The following PARP14 variants were observed in gnomAD, a reference collection of about 807,000 sequenced individuals.
The protein encoded by PARP14 is protein mono-ADP-ribosyltransferase PARP14.
Under a neutral mutation model 154.2 loss-of-function variants are expected in PARP14, and 59 were observed. The ratio of observed to expected loss-of-function variants is 0.38; its 90% confidence interval spans 0.31 to 0.48. The LOEUF (loss-of-function observed/expected upper bound fraction) is 0.48, where lower values mean the gene tolerates loss of function less well. PARP14 is among the 20% of genes least tolerant of loss of function. The pLI is 0.98. For synonymous variants in PARP14, 720 were observed against 780.5 expected (o/e 0.92, Z 1.29); for missense variants, 1,734 against 2,131.6 (o/e 0.81, Z 3.67).
intron 1 of PARP14, among the ~76,000 whole-genome samples, chr3:122,684,321 A>T (rs1938302914): frequency 6.6e-6 from 1 of 151,968 alleles, no homozygotes; most frequent in Admixed American, 6.5e-5. Context: ...CTTGAAACTC[A>T]CTTCTTCCCG....
intron 6 of PARP14, among the ~76,000 whole-genome samples, 197 bp from the exon 7 acceptor site, chr3:122,703,545 G>C (rs1939052838): frequency 6.6e-6 from 1 of 152,008 alleles, no homozygotes; most frequent in African/African-American, 2.4e-5. Flanking sequence ...ATTACTTTTT[G>C]ACTGCTCTCT....
In PARP14 at chr3:122,704,660, A is replaced by G; in HGVS notation, c.3452A>G (p.Glu1151Gly). ...KNIFAELIIS[E>G]VFKFSSKNQL... ...ATATTCGCTGAATTAATCATTTCAG[A>G]GGTGTTCAAATTTAGTAGCAAGAAT... is the stretch of plus-strand genomic sequence containing the variant. The change falls in exon 8 of 17, where the codon GAG becomes GGG. Residue 1151 changes from glutamate (E) to glycine (G), a missense_variant. Physicochemically the swap from Glu to Gly is moderately conservative, Grantham distance 98. This residue lies in a region of PARP14 where 1,646 missense variants were observed against 1,976.0 expected (regional missense o/e 0.83). Coordinates refer to ENST00000474629, the MANE Select transcript of PARP14 (RefSeq NM_017554.3). The G allele has an allele frequency of 6.2e-7, 1 of 1,606,424 alleles. No individual in the cohort carries two copies. Among genetic ancestry groups the G allele is most frequent in the Non-Finnish European group, 8.5e-7 (1 of 1,175,474 alleles).
rs773019801 is a variant in PARP14, at chr3:122,699,592, T to C, written c.1038T>C (p.Asp346=). 1 of 1,613,902 alleles carries C rather than the reference T, an allele frequency of 6.2e-7. No homozygotes were observed. The highest frequency in any genetic ancestry group is 8.5e-7 in the Non-Finnish European group (1 of 1,179,820). Residue 346 remains aspartate (D), a synonymous_variant, in exon 6 of 17, where the codon GAT becomes GAC. Coordinates refer to ENST00000474629, the MANE Select transcript of PARP14 (RefSeq NM_017554.3). Reference sequence around the variant, plus strand: ...ATCACCTCATTGAGGAGATAAACGATGAAATGAGGCGTTGTCACTGTGAGC... The same window carrying C: ...ATCACCTCATTGAGGAGATAAACGACGAAATGAGGCGTTGTCACTGTGAGC... ...KKNHLIEEIN[D]EMRRCHCELT... is the part of the protein sequence containing the mutation.
intron 9 of PARP14, among the ~76,000 whole-genome samples, chr3:122,710,175 A>C (rs1560072745): frequency 6.6e-6 from 1 of 151,844 alleles, no homozygotes; most frequent in Non-Finnish European, 1.5e-5. Flanking sequence ...TATCTTTTAG[A>C]ATTTTTATGG....
At chr3:122,722,215 TG>T (rs994121439) in intron 15 of PARP14, 3 of 152,098 alleles carry the variant, frequency 2.0e-5, no homozygotes, top group South Asian at 4.1e-4. Flanking sequence ...TTTATATCAC[TG>T]TTTTTTTTTA....
chr3:122,701,804 T>C lies in PARP14; in HGVS notation c.3081+169T>C, dbSNP rs570643721. ...AATTTTCCTTAGATAATTGGGCTTCTTACCAAATCATTTACTAATAGAGAT... is the reference window on the plus strand; with the variant it reads ...AATTTTCCTTAGATAATTGGGCTTCCTACCAAATCATTTACTAATAGAGAT... On this transcript the variant is annotated intron_variant, in intron 6 of 16. Transcript: ENST00000474629. This position sits in a 1 kb window ranked among gnomAD's most constrained non-coding sequence, Gnocchi z 4.0. Among the ~76,000 whole-genome samples, 2 of 152,318 alleles carry C rather than the reference T, an allele frequency of 1.3e-5. No homozygotes were observed. The highest frequency in any genetic ancestry group is 1.3e-4 in the Admixed American group (2 of 15,308).
At chr3:122,719,047 G>A in intron 14 of PARP14, 89 bp downstream of exon 14, 1 of 1,266,828 alleles carries the variant, frequency 7.9e-7, no homozygotes, top group Non-Finnish European at 1.0e-6. Flanking sequence ...ATTTCAAATT[G>A]GAAAAAATTC....
At chr3:122,688,628 G>A (rs750889509) in intron 3 of PARP14, among the ~76,000 whole-genome samples, 1 of 152,204 alleles carries the variant, frequency 6.6e-6, no homozygotes, top group Admixed American at 6.5e-5. Context: ...ATGGCCCTAA[G>A]GCTGGGACTC....
chr3:122,695,167 G>C (rs1938732906), intron 4 of PARP14, among the ~76,000 whole-genome samples: 1 of 152,204 alleles, frequency 6.6e-6, no homozygotes, highest in African/African-American at 2.4e-5. Flanking sequence ...ACCCTCAGGA[G>C]GGTTGGTGAG....
Position 122,699,931 on chromosome 3 carries a change from A to G in PARP14, c.1377A>G (p.Lys459=). Reference sequence around the variant, plus strand: ...AGTTAATAGAAAGCACTACTCAAAAAATTAAAAGGGAAGAGCAAAGTTTGA... The same window carrying G: ...AGTTAATAGAAAGCACTACTCAAAAGATTAAAAGGGAAGAGCAAAGTTTGA... ...VRELIESTTQ[K]IKREEQSLKE... The change falls in exon 6 of 17, where the codon AAA becomes AAG. Residue 459 remains lysine, a synonymous_variant. Coordinates refer to ENST00000474629, the MANE Select transcript of PARP14 (RefSeq NM_017554.3). 1 of 1,614,004 alleles carries G rather than the reference A, an allele frequency of 6.2e-7. No homozygotes were observed. Among genetic ancestry groups the G allele is most frequent in the Non-Finnish European group, 8.5e-7 (1 of 1,179,882 alleles).
intron 15 of PARP14, among the ~76,000 whole-genome samples, chr3:122,723,697 C>T (rs55710311): frequency 0.46 from 69,590 of 151,936 alleles, 16,673 homozygotes; most frequent in South Asian, 0.54. Flanking sequence ...AGTTTGATCA[C>T]TAGTTAAGTG....
At position 122,685,285 on chromosome 3, in the gene PARP14, C is replaced by G; in HGVS notation, c.288C>G (p.Ile96Met). Residue 96 changes from isoleucine to methionine, a missense_variant, in exon 2 of 17, where the codon ATC (isoleucine) becomes ATG (methionine). Around this residue, in one of 2 missense-constraint regions of PARP14, gnomAD observed 1,646 missense variants for 1,976.0 expected, o/e 0.83. Transcript: ENST00000474629. ...AGTTACCTGCAACCCCAGATGAAAT[C>G]GATCATGTCTTTGAAGAGGAACTTC... is the stretch of plus-strand genomic sequence containing the variant. ...TVQLPATPDE[I>M]DHVFEEELLT... is the part of the protein sequence containing the mutation. The G allele has an allele frequency of 6.2e-7, 1 of 1,613,714 alleles. No homozygotes were observed. Among genetic ancestry groups the G allele is most frequent in the African/African-American group, 1.3e-5 (1 of 75,038 alleles).
rs188219681 is a variant in PARP14 at position 122,704,707 on chromosome 3, G to A, written c.3499G>A (p.Val1167Ile). The A allele has an allele frequency of 3.8e-5, 61 of 1,605,696 alleles. No individual in the cohort carries two copies. The East Asian group carries it at 7.4e-4, about 19-fold the overall frequency. Reference sequence around the variant, plus strand: ...GAATCAGCTGAAAACTTTACAAGAGGTTCACTTTCTGCTGCACCCGAGTGA... The same window carrying A: ...GAATCAGCTGAAAACTTTACAAGAGATTCACTTTCTGCTGCACCCGAGTGA... The part of the protein sequence containing the change: ...SKNQLKTLQE[V>I]HFLLHPSDHE... The change falls in exon 8 of 17, where the codon GTT becomes ATT. Residue 1167 changes from valine to isoleucine, a missense_variant. Val to Ile is a conservative substitution (Grantham distance 29). Transcript: ENST00000474629.
chr3:122,710,401 GT>G (rs1355611937), intron 9 of PARP14, among the ~76,000 whole-genome samples: 1 of 152,064 alleles, frequency 6.6e-6, no homozygotes, highest in Non-Finnish European at 1.5e-5. Context: ...CCTCTATTCT[GT>G]TTCATTGGTC....
chr3:122,683,371 C>T (rs1938274838), intron 1 of PARP14: 1 of 621,278 alleles, frequency 1.6e-6, no homozygotes, highest in Non-Finnish European at 2.0e-6. Context: ...CAAGAATGAG[C>T]CCACCAGCAC....
chr3:122,692,499 TAA>T lies in PARP14; in HGVS notation c.555_556del (p.Ile185MetfsTer4). On this transcript the variant is annotated frameshift_variant, in exon 4 of 17. Coordinates refer to ENST00000474629, the MANE Select transcript of PARP14 (RefSeq NM_017554.3). LOFTEE classifies it high-confidence loss of function. ...AATGATGACTTTCAAGTGGAAATAA[TAA>T]GAGATTTTGATGTTGCTGTTGTTAC... The T allele has an allele frequency of 6.2e-7, 1 of 1,612,922 alleles. No individual in the cohort carries two copies. Among genetic ancestry groups the T allele is most frequent in the South Asian group, 1.1e-5 (1 of 91,040 alleles).
chr3:122,697,087 G>A (rs763194447), intron 5 of PARP14, among the ~76,000 whole-genome samples: 7 of 152,074 alleles, frequency 4.6e-5, no homozygotes, highest in Non-Finnish European at 8.8e-5. Flanking sequence ...AGAGTAGCTG[G>A]GAGTACAGGT....
At position 122,681,341 on chromosome 3, in the gene PARP14, T is replaced by TAAAAAAA. The variant is rs756312747; in HGVS notation, c.187+271_187+272insAAAAAAA. 2.0e-5 allele frequency among the ~76,000 whole-genome samples: 3 copies of TAAAAAAA among 152,226 alleles called. No individual in the cohort carries two copies. The highest frequency in any genetic ancestry group is 4.4e-5 in the Non-Finnish European group (3 of 68,030). On this transcript the variant is annotated intron_variant, in intron 1 of 16. Coordinates refer to ENST00000474629, the MANE Select transcript of PARP14 (RefSeq NM_017554.3). The surrounding 1 kb of genome is among the most constrained non-coding windows in gnomAD (Gnocchi z 5.5). ...GCGCAAGTAACTCTTTATCCCTCGA[T>TAAAAAAA]CGTTTTCTGTCTTTCCCTGTTGTGG...
At chr3:122,726,997 G>GAA (rs71136587) in intron 15 of PARP14, among the ~76,000 whole-genome samples, 328 of 132,988 alleles carry the variant, frequency 2.5e-3, no homozygotes, top group East Asian at 6.4e-3. Flanking sequence ...CCCAAAACTG[G>GAA]AAAAAAAAAA....
Sources: gnomAD v4.1 joint callset for allele counts (sites outside exome capture counted in the v4.1 genomes callset) on GRCh38, gnomAD v4.1.1 for gene constraint, gnomAD v4.1.1 regional missense constraint, Gnocchi (gnomAD v3.1) non-coding constraint, MANE v1.5 for transcripts, NCBI Gene and HGNC (gene_info 2026-07-23, HGNC 2026-07-21) for gene names.